Variants in VGLL3 observed in about 807,000 individuals in gnomAD.
The protein encoded by VGLL3 is vestigial like family member 3.
In VGLL3, 18 loss-of-function variants were observed where a neutral mutation model predicts 29.2. The observed-to-expected ratio is 0.62, with a 90% CI of 0.43 to 0.91. The LOEUF is 0.91. Among genes scored for constraint, VGLL3 ranks in the 40% least tolerant of loss-of-function variants. VGLL3 has a pLI of 0.00. For synonymous variants in VGLL3, 180 were observed against 151.8 expected, an observed-to-expected ratio of 1.19 and a Z score of -1.36; for missense variants, 440 against 413.2, an observed-to-expected ratio of 1.06 and a Z score of -0.56.
At chr3:86,987,882 A>C (rs562677648) in intron 1 of VGLL3, among the ~76,000 whole-genome samples, 2 of 152,346 alleles carry the variant, frequency 1.3e-5, no homozygotes, top group African/African-American at 4.8e-5. Context: ...TATGTTCAAC[A>C]AAAACCTAAA....
At chr3:86,985,865 G>C (rs1241248625) in intron 1 of VGLL3, among the ~76,000 whole-genome samples, 1 of 152,088 alleles carries the variant, frequency 6.6e-6, no homozygotes, top group African/African-American at 2.4e-5. Context: ...GTTGGACACA[G>C]AGCCTATGGA....
chr3:86,969,519 A>C (rs1705045049), intron 2 of VGLL3, among the ~76,000 whole-genome samples: 1 of 152,238 alleles, frequency 6.6e-6, no homozygotes, highest in Admixed American at 6.5e-5. Flanking sequence ...GGTTTGTATA[A>C]GTTGGACATG....
intron 1 of VGLL3, among the ~76,000 whole-genome samples, chr3:86,983,282 T>A (rs749584841): frequency 6.6e-6 from 1 of 152,240 alleles, no homozygotes; most frequent in Non-Finnish European, 1.5e-5. Flanking sequence ...TTCAAAAACA[T>A]GATTGGAGCT....
intron 2 of VGLL3, among the ~76,000 whole-genome samples, chr3:86,975,712 TAAG>T (rs1705195347): frequency 6.6e-6 from 1 of 152,144 alleles, no homozygotes; most frequent in Non-Finnish European, 1.5e-5. Flanking sequence ...TGAGGCACCA[TAAG>T]AAGATATGGT....
intron 3 of VGLL3, among the ~76,000 whole-genome samples, chr3:86,955,426 A>T (rs1489089380): frequency 7.7e-6 from 1 of 129,142 alleles, no homozygotes; most frequent in South Asian, 2.4e-4. Flanking sequence ...TCTGTCACCC[A>T]GGCTGGAGGC....
At position 86,988,568 on chromosome 3, in the gene VGLL3, G is replaced by A. The variant is rs190753512; in HGVS notation, c.126+2050C>T. Among the ~76,000 whole-genome samples, 4 of 135,700 alleles carry A rather than the reference G, an allele frequency of 2.9e-5. No homozygotes were observed. The East Asian group carries it at 6.9e-4, about 23-fold the overall frequency. 89.0% of individuals were successfully genotyped at this position (135,700 alleles called of 152,430 possible). ...ATAAACTTCTGACACTAAAAGAACA[G>A]TAGTTACACTGTCAAGTCTTTTTTT... is the stretch of plus-strand genomic sequence containing the variant. On this transcript the variant is annotated intron_variant, in intron 1 of 3. Coordinates refer to ENST00000398399, the MANE Select transcript of VGLL3 (RefSeq NM_016206.4).
intron 3 of VGLL3, among the ~76,000 whole-genome samples, chr3:86,964,634 GAGATCCTGA>G (rs1704921694): frequency 2.0e-5 from 3 of 152,122 alleles, no homozygotes; most frequent in Non-Finnish European, 4.4e-5. Flanking sequence ...CCTTATAAAA[GAGATCCTGA>G]AGATTACTTT....
intron 3 of VGLL3, among the ~76,000 whole-genome samples, chr3:86,958,321 C>T (rs957763525): frequency 6.6e-6 from 1 of 152,134 alleles, no homozygotes. Flanking sequence ...CAGTCTACTT[C>T]TTTAAAATAC....
intron 2 of VGLL3, 64 bp downstream of exon 2, chr3:86,978,462 C>T: frequency 1.3e-6 from 2 of 1,551,232 alleles, no homozygotes; most frequent in Admixed American, 1.9e-5. Flanking sequence ...CCAGCTGGAA[C>T]CTGGTACAGG....
At chr3:86,974,729 T>C (rs1470527019) in intron 2 of VGLL3, among the ~76,000 whole-genome samples, 4 of 152,210 alleles carry the variant, frequency 2.6e-5, no homozygotes, top group Admixed American at 1.3e-4. Flanking sequence ...GTAGCACTTC[T>C]GTGGCACTGT....
rs1430502112 is a variant in VGLL3, at chr3:86,968,785, G to T, written c.742C>A (p.His248Asn). ...TCCAGGGCAGAGCCAGCAGGAGGGT[G>T]GTGATGGTGATGATGGTGGCGGTGG... ...HRHRHHHHHH[H>N]PPAGSALDPS... is the part of the protein sequence containing the mutation. The change falls in exon 3 of 4, where the codon CAC becomes AAC. Residue 248 changes from histidine (H) to asparagine (N), a missense_variant. Coordinates refer to ENST00000398399, the MANE Select transcript of VGLL3 (RefSeq NM_016206.4). The T allele has an allele frequency of 6.2e-7, 1 of 1,614,188 alleles. No individual in the cohort carries two copies. The highest frequency in any genetic ancestry group is 2.2e-5 in the East Asian group (1 of 44,882).
chr3:86,945,091 G>T lies in VGLL3; in HGVS notation c.*1933C>A, dbSNP rs1268185771. ...ACCTGGCTACTCCCAGGAAATATAA[G>T]TTCATATTATTAGTGAGTGGAAGGT... On this transcript the variant is annotated 3_prime_UTR_variant, in exon 4 of 4. Coordinates refer to ENST00000398399, the MANE Select transcript of VGLL3 (RefSeq NM_016206.4). The T allele has an allele frequency of 6.6e-6, 1 of 152,168 alleles. No homozygotes were observed. The highest frequency in any genetic ancestry group is 1.5e-5 in the Non-Finnish European group (1 of 68,028). The allele number at this position is 152,168 out of a possible 1,614,324, so 9.4% of individuals were successfully genotyped here.
At position 86,940,419 on chromosome 3, in the gene VGLL3, T is replaced by G. The variant is rs1704369775; in HGVS notation, c.*6605A>C. 1 of 152,644 alleles carries G rather than the reference T, an allele frequency of 6.6e-6. No individual in the cohort carries two copies. Among genetic ancestry groups the G allele is most frequent in the Non-Finnish European group, 1.5e-5 (1 of 68,024 alleles). 9.5% of individuals were successfully genotyped at this position (152,644 alleles called of 1,614,324 possible). A position where few individuals can be genotyped will look rare whatever the true frequency, so the allele number is the denominator to read the frequency against. ...ATTAATATACCCCATTTCATTTTCT[T>G]TTCCATTATAAACATGTATTTTATA... On this transcript the variant is annotated 3_prime_UTR_variant, in exon 4 of 4. Transcript: ENST00000398399.
intron 3 of VGLL3, among the ~76,000 whole-genome samples, chr3:86,953,086 A>T (rs1704648087): frequency 6.6e-6 from 1 of 152,178 alleles, no homozygotes; most frequent in South Asian, 2.1e-4. Flanking sequence ...TTTCAGGTGA[A>T]TATCAAGATT....
At chr3:86,960,018 G>T (rs1021390837) in intron 3 of VGLL3, among the ~76,000 whole-genome samples, 1 of 151,944 alleles carries the variant, frequency 6.6e-6, no homozygotes, top group South Asian at 2.1e-4. Context: ...ATTCTCACCC[G>T]GTTTTTTGTA....
intron 3 of VGLL3, among the ~76,000 whole-genome samples, chr3:86,967,819 T>A (rs1704995880): frequency 1.3e-5 from 2 of 152,304 alleles, no homozygotes; most frequent in South Asian, 4.1e-4. Context: ...GGTCCAAAAA[T>A]CAAGCTCAGA....
chr3:86,970,483 G>GCGCA lies in VGLL3; in HGVS notation c.404-1361_404-1360insTGCG, dbSNP rs1553706434. On this transcript the variant is annotated intron_variant, in intron 2 of 3. Transcript: ENST00000398399. ...AGAAAAGGCCATATATTACACACAC[G>GCGCA]CACACACACACACACACACACACAC... 3.7e-4 allele frequency among the ~76,000 whole-genome samples: 52 copies of GCGCA among 141,296 alleles called. 1 individual carries two copies. In the East Asian group the frequency reaches 5.7e-3, roughly 16 times the overall value. The allele number at this position is 141,296 out of a possible 152,430, so 92.7% of individuals were successfully genotyped here.
At position 86,990,791 on chromosome 3, in the gene VGLL3, C is replaced by A. The variant is rs1401762523; in HGVS notation, c.-48G>T. 1.6e-6 allele frequency: 2 copies of A among 1,256,512 alleles called. No individual in the cohort carries two copies. Among genetic ancestry groups the A allele is most frequent in the African/African-American group, 1.6e-5 (1 of 63,850 alleles). 77.8% of individuals were successfully genotyped at this position (1,256,512 alleles called of 1,614,324 possible). A position where few individuals can be genotyped will look rare whatever the true frequency, so the allele number is the denominator to read the frequency against. On this transcript the variant is annotated 5_prime_UTR_variant, in exon 1 of 4. Coordinates refer to ENST00000398399, the MANE Select transcript of VGLL3 (RefSeq NM_016206.4). Reference sequence around the variant, plus strand: ...CCCGAGCTGCCGCCGCCGCTCTACGCGCTGGCGCGAGGGGCGCGGGCGCCG... The same window carrying A: ...CCCGAGCTGCCGCCGCCGCTCTACGAGCTGGCGCGAGGGGCGCGGGCGCCG...
In VGLL3 at chr3:86,945,571, C is replaced by T. The variant is rs1156472744; in HGVS notation, c.*1453G>A. 1 of 152,128 alleles carries T rather than the reference C, an allele frequency of 6.6e-6. No homozygotes were observed. Among genetic ancestry groups the T allele is most frequent in the Non-Finnish European group, 1.5e-5 (1 of 68,004 alleles). The allele number at this position is 152,128 out of a possible 1,614,324, so 9.4% of individuals were successfully genotyped here. ...CAGCAGTATCAATAACTGTTACTTT[C>T]ATAATCTTAATCTTCTCCTAGCAGT... On this transcript the variant is annotated 3_prime_UTR_variant, in exon 4 of 4. Coordinates refer to ENST00000398399, the MANE Select transcript of VGLL3 (RefSeq NM_016206.4).
Sources: allele counts gnomAD v4.1 joint callset (sites outside exome capture counted in the v4.1 genomes callset), GRCh38; gene constraint gnomAD v4.1.1; transcripts MANE v1.5; gene names NCBI Gene and HGNC (gene_info 2026-07-23, HGNC 2026-07-21).